Variants in CNKSR3 observed in about 807,000 individuals in gnomAD.
CNKSR3 encodes the protein connector enhancer of kinase suppressor of ras 3.
CNKSR3 carries 36 observed loss-of-function variants against 67.7 expected under a neutral mutation model. The ratio of observed to expected loss-of-function variants is 0.53; its 90% CI spans 0.41 to 0.70. The LOEUF is 0.70. CNKSR3 is among the 30% of genes least tolerant of loss of function. The pLI, the probability that CNKSR3 is intolerant of heterozygous loss-of-function variation, is 0.00. For missense variants in CNKSR3, 630 were observed against 695.2 expected (o/e 0.91, Z 1.05); for synonymous variants, 281 against 271.4 (o/e 1.04, Z -0.35).
chr6:154,486,590 T>TCCAGCAATTCTCCTGCCTC (rs1786671609), intron 1 of CNKSR3, among the ~76,000 whole-genome samples: 2 of 144,536 alleles, frequency 1.4e-5, no homozygotes, highest in South Asian at 4.2e-4. Flanking sequence ...CCTCCTGGGT[T>TCCAGCAATTCTCCTGCCTC]CCAGCAATTC....
At chr6:154,490,643 G>A (rs1416298753) in intron 1 of CNKSR3, among the ~76,000 whole-genome samples, 1 of 152,044 alleles carries the variant, frequency 6.6e-6, no homozygotes, top group Non-Finnish European at 1.5e-5. Context: ...AGAGGGGCTT[G>A]GTGATCTAAC....
intron 1 of CNKSR3, among the ~76,000 whole-genome samples, chr6:154,487,943 T>G (rs2114646015): frequency 6.6e-6 from 1 of 152,308 alleles, no homozygotes; most frequent in Admixed American, 6.5e-5. Flanking sequence ...GACTTTGAGA[T>G]GAAAATAATT....
chr6:154,408,824 G>T (rs186124916), intron 12 of CNKSR3, among the ~76,000 whole-genome samples: 2 of 152,252 alleles, frequency 1.3e-5, no homozygotes, highest in Admixed American at 6.5e-5. Flanking sequence ...GCTGTGTATA[G>T]ATAGATACCT....
In CNKSR3 at chr6:154,402,115, T is replaced by C. The variant is rs9397715; in HGVS notation, c.*4239A>G. On this transcript the variant is annotated 3_prime_UTR_variant, in exon 13 of 13. Transcript: ENST00000607772. ...GGAGGATACAGGATTTCTTTTAAAA[T>C]ACTTGTTCTGAAAGAGATGGTACCC... The C allele has an allele frequency of 0.27, 41,653 of 152,090 alleles. 6,203 individuals are homozygous for C. Among genetic ancestry groups the C allele is most frequent in the Admixed American group, 0.38 (5,801 of 15,282 alleles). 9.4% of individuals were successfully genotyped at this position (152,090 alleles called of 1,614,324 possible). A position where few individuals can be genotyped will look rare whatever the true frequency, so the allele number is the denominator to read the frequency against.
At chr6:154,504,631 C>T (rs1296936908) in intron 1 of CNKSR3, among the ~76,000 whole-genome samples, 1 of 152,076 alleles carries the variant, frequency 6.6e-6, no homozygotes, top group African/African-American at 2.4e-5. Flanking sequence ...ATTAGGGGAC[C>T]CTGAGCAAAT....
At chr6:154,453,809 T>G (rs1051579375) in intron 1 of CNKSR3, among the ~76,000 whole-genome samples, 1 of 152,224 alleles carries the variant, frequency 6.6e-6, no homozygotes, top group Non-Finnish European at 1.5e-5. Flanking sequence ...ATAAACCATA[T>G]TCTTTTACTT....
intron 1 of CNKSR3, among the ~76,000 whole-genome samples, chr6:154,461,602 T>G (rs1443118988): frequency 3.9e-5 from 6 of 152,226 alleles, no homozygotes; most frequent in Non-Finnish European, 8.8e-5. Flanking sequence ...ATCTACAAAA[T>G]GGAGAGGACA....
At chr6:154,415,187 G>C (rs1584057022) in intron 9 of CNKSR3, among the ~76,000 whole-genome samples, 1 of 147,588 alleles carries the variant, frequency 6.8e-6, no homozygotes. Context: ...AGTATTGCTT[G>C]GAACTCTGGA....
At chr6:154,494,476 G>C (rs1786840083) in intron 1 of CNKSR3, among the ~76,000 whole-genome samples, 1 of 152,148 alleles carries the variant, frequency 6.6e-6, no homozygotes, top group South Asian at 2.1e-4. Context: ...TCAGACATGA[G>C]AAATTAGCAA....
chr6:154,500,412 G>A (rs56387333), intron 1 of CNKSR3, among the ~76,000 whole-genome samples: 21,146 of 151,930 alleles, frequency 0.14, 1,836 homozygotes, highest in African/African-American at 0.25. Flanking sequence ...TATCATAATC[G>A]CCGCCTTTTC....
At chr6:154,440,941 T>C (rs1453626390) in intron 4 of CNKSR3, among the ~76,000 whole-genome samples, 2 of 151,716 alleles carry the variant, frequency 1.3e-5, no homozygotes, top group Non-Finnish European at 2.9e-5. Flanking sequence ...TATAGTAAAG[T>C]ACTCAGAACA....
At chr6:154,446,174 C>T (rs1421153999) in intron 2 of CNKSR3, among the ~76,000 whole-genome samples, 2 of 152,126 alleles carry the variant, frequency 1.3e-5, no homozygotes, top group Non-Finnish European at 2.9e-5. Flanking sequence ...TAGGGTTCAC[C>T]ATCCGGGATC....
chr6:154,445,273 TTCTA>T (rs1785686304), intron 2 of CNKSR3, among the ~76,000 whole-genome samples: 1 of 152,202 alleles, frequency 6.6e-6, no homozygotes, highest in African/African-American at 2.4e-5. Context: ...AGCAGTATTT[TTCTA>T]TCTAAATGTG....
chr6:154,464,557 T>C (rs1162936995), intron 1 of CNKSR3, among the ~76,000 whole-genome samples: 2 of 148,286 alleles, frequency 1.3e-5, no homozygotes, highest in Non-Finnish European at 3.0e-5. Context: ...TCTACTAAAA[T>C]ACAAAAAATT....
intron 4 of CNKSR3, among the ~76,000 whole-genome samples, chr6:154,435,344 C>T (rs531245677): frequency 5.9e-5 from 9 of 152,266 alleles, no homozygotes; most frequent in African/African-American, 2.2e-4. Flanking sequence ...GAGACCATCA[C>T]CTAGAGGCAG....
At chr6:154,439,145 T>G (rs1785531343) in intron 4 of CNKSR3, among the ~76,000 whole-genome samples, 1 of 152,150 alleles carries the variant, frequency 6.6e-6, no homozygotes, top group Admixed American at 6.5e-5. Context: ...CTCCTTCCTG[T>G]GCGCCTTCCC....
chr6:154,432,248 C>T (rs1785385638), intron 5 of CNKSR3, among the ~76,000 whole-genome samples: 2 of 152,168 alleles, frequency 1.3e-5, no homozygotes, highest in South Asian at 4.1e-4. Flanking sequence ...TTACAATTCC[C>T]TAATACAAAT....
chr6:154,422,208 G>A lies in CNKSR3; in HGVS notation c.945+298C>T, dbSNP rs531134352. On this transcript the variant is annotated intron_variant, in intron 9 of 12. Transcript: ENST00000607772. The stretch of plus-strand genomic sequence containing the variant: ...GGGGTTTCACCGTGTTAGCCAGGAT[G>A]GTCTCGATCTCCTGACCTCGTGATC... Among the ~76,000 whole-genome samples the A allele has an allele frequency of 2.5e-3, 382 of 152,180 alleles. 1 individual carries two copies. Among genetic ancestry groups the A allele is most frequent in the Non-Finnish European group, 4.5e-3 (306 of 68,004 alleles).
Position 154,388,550 on chromosome 6 carries a change from C to T in CNKSR3, c.*17804G>A, listed in dbSNP as rs1784573928. On this transcript the variant is annotated 3_prime_UTR_variant, in exon 13 of 13. Coordinates refer to ENST00000607772, the MANE Select transcript of CNKSR3 (RefSeq NM_173515.4). The stretch of plus-strand genomic sequence containing the variant: ...ATCCAGAAATAGGGTTGCTAGGTCA[C>T]ATGGCAGTTCTATTTTTACATTTTT... 6.6e-6 allele frequency: 1 copy of T among 152,208 alleles called. No individual in the cohort carries two copies. Among genetic ancestry groups the T allele is most frequent in the Non-Finnish European group, 1.5e-5 (1 of 68,034 alleles). 9.4% of individuals were successfully genotyped at this position (152,208 alleles called of 1,614,324 possible).
Sources: allele counts gnomAD v4.1 joint callset (sites outside exome capture counted in the v4.1 genomes callset), GRCh38; gene constraint gnomAD v4.1.1; transcripts MANE v1.5; gene names NCBI Gene and HGNC (gene_info 2026-07-23, HGNC 2026-07-21).